IL21R: variants seen among roughly 807,000 people sequenced by gnomAD.
IL21R encodes the protein interleukin 21 receptor.
Under a neutral mutation model 41.3 loss-of-function variants are expected in IL21R, and 14 were observed. The ratio of observed to expected loss-of-function variants is 0.34; its 90% CI spans 0.22 to 0.53. IL21R has a LOEUF of 0.53. IL21R is among the 20% of genes least tolerant of loss of function. The pLI is 0.94. For missense variants in IL21R, 588 were observed against 681.6 expected, an observed-to-expected ratio of 0.86 and a Z score of 1.53; for synonymous variants, 286 against 287.6, an observed-to-expected ratio of 0.99 and a Z score of 0.05.
intron 1 of IL21R, among the ~76,000 whole-genome samples, chr16:27,406,590 C>A (rs2086752412): frequency 6.6e-6 from 1 of 151,990 alleles, no homozygotes; most frequent in African/African-American, 2.4e-5. Flanking sequence ...GAGGAGAAGG[C>A]CCTTCCTCTC....
At chr16:27,423,884 C>T (rs1357299833) in intron 1 of IL21R, among the ~76,000 whole-genome samples, 4 of 152,060 alleles carry the variant, frequency 2.6e-5, no homozygotes, top group South Asian at 4.1e-4. Flanking sequence ...GGCATGTGTT[C>T]GCTTTTATTA....
At chr16:27,448,461 A>T in intron 8 of IL21R, 73 bp from the exon 9 acceptor site, 1 of 1,456,836 alleles carries the variant, frequency 6.9e-7, no homozygotes, top group Non-Finnish European at 9.2e-7. Context: ...TCAAAAGAAT[A>T]AAAGTAAAAG....
intron 3 of IL21R, among the ~76,000 whole-genome samples, chr16:27,435,092 G>A (rs2087244934): frequency 6.6e-6 from 1 of 151,976 alleles, no homozygotes; most frequent in Admixed American, 6.6e-5. Context: ...ACAAAACCCT[G>A]TCTCTACAAA....
At chr16:27,416,167 C>T (rs2086891889) in intron 1 of IL21R, among the ~76,000 whole-genome samples, 2 of 152,196 alleles carry the variant, frequency 1.3e-5, no homozygotes, top group South Asian at 4.2e-4. Flanking sequence ...CTTTCTCACC[C>T]AGGCTGGAGT....
intron 1 of IL21R, among the ~76,000 whole-genome samples, chr16:27,416,732 A>C (rs1271304715): frequency 6.6e-6 from 1 of 152,040 alleles, no homozygotes; most frequent in Non-Finnish European, 1.5e-5. Flanking sequence ...TATTTTCATC[A>C]CTCCAAAAAC....
chr16:27,418,312 C>T (rs1019002014), intron 1 of IL21R, among the ~76,000 whole-genome samples: 1 of 151,844 alleles, frequency 6.6e-6, no homozygotes, highest in African/African-American at 2.4e-5. Context: ...TTGTGATCTG[C>T]CCGTCTCGCC....
chr16:27,442,416 T>C (rs1038718623), intron 4 of IL21R, among the ~76,000 whole-genome samples: 2 of 152,168 alleles, frequency 1.3e-5, no homozygotes, highest in African/African-American at 4.8e-5. Flanking sequence ...CGGGCTGGAG[T>C]GCAGTGGCGC....
rs1400514648 is a variant in IL21R at position 27,418,052 on chromosome 16, TTTATTTTATTTTATTTATG to T, written c.-16-11986_-16-11968del. On this transcript the variant is annotated intron_variant, in intron 1 of 8. Transcript: ENST00000337929. ...TTTATTTTATTTTATTTTATTTTAT[TTTATTTTATTTTATTTATG>T]TTATTTTATTTTATTTAAGACGGAG... 2.3e-4 allele frequency among the ~76,000 whole-genome samples: 28 copies of T among 123,572 alleles called. No homozygotes were observed. In the South Asian group the frequency reaches 2.3e-3, roughly 10 times the overall value. 81.1% of individuals were successfully genotyped at this position (123,572 alleles called of 152,430 possible).
At chr16:27,435,384 G>A (rs940764202) in intron 3 of IL21R, among the ~76,000 whole-genome samples, 5 of 152,158 alleles carry the variant, frequency 3.3e-5, no homozygotes, top group African/African-American at 4.8e-5. Flanking sequence ...ACGGTGGGGC[G>A]GAGGCTGGGG....
At chr16:27,443,439 T>C (rs1333738433) in intron 5 of IL21R, among the ~76,000 whole-genome samples, 2 of 152,080 alleles carry the variant, frequency 1.3e-5, no homozygotes, top group Non-Finnish European at 2.9e-5. Flanking sequence ...CCTGGAAGCT[T>C]CCCAATTGCT....
chr16:27,406,186 G>A (rs1018778818), intron 1 of IL21R, among the ~76,000 whole-genome samples: 1 of 152,268 alleles, frequency 6.6e-6, no homozygotes, highest in African/African-American at 2.4e-5. Flanking sequence ...TGGGAACTGA[G>A]GGGAGAGAGA....
chr16:27,416,805 C>T (rs1289654033), intron 1 of IL21R, among the ~76,000 whole-genome samples: 1 of 152,178 alleles, frequency 6.6e-6, no homozygotes, highest in East Asian at 1.9e-4. Context: ...TCCTGGCAAC[C>T]ACTAACCTAC....
chr16:27,416,295 C>T (rs2141266030), intron 1 of IL21R, among the ~76,000 whole-genome samples: 1 of 152,234 alleles, frequency 6.6e-6, no homozygotes, highest in East Asian at 1.9e-4. Flanking sequence ...CGCCACCACA[C>T]CTGGCTAATT....
In IL21R at chr16:27,450,683, C is replaced by T; in HGVS notation, c.*1400C>T. 1 of 220,514 alleles carries T rather than the reference C, an allele frequency of 4.5e-6. No individual in the cohort carries two copies. Among genetic ancestry groups the T allele is most frequent in the Non-Finnish European group, 9.1e-6 (1 of 110,240 alleles). 13.7% of individuals were successfully genotyped at this position (220,514 alleles called of 1,614,324 possible). Reference sequence around the variant, plus strand: ...CTCTGCAACCTCTGTCTCCCGGGTTCAAGCGATTTCCTGCGTCAGCCCCAG... The same window carrying T: ...CTCTGCAACCTCTGTCTCCCGGGTTTAAGCGATTTCCTGCGTCAGCCCCAG... On this transcript the variant is annotated 3_prime_UTR_variant, in exon 9 of 9. Transcript: ENST00000337929.
intron 1 of IL21R, among the ~76,000 whole-genome samples, chr16:27,429,183 C>T (rs2087126033): frequency 6.6e-6 from 1 of 152,088 alleles, no homozygotes; most frequent in African/African-American, 2.4e-5. Context: ...AAGATCGGGC[C>T]ACTGCACTCC....
At chr16:27,445,029 C>A in intron 6 of IL21R, 148 bp from the exon 7 acceptor site, 1 of 644,566 alleles carries the variant, frequency 1.6e-6, no homozygotes, top group Non-Finnish European at 2.8e-6. Context: ...AAGATTTGAA[C>A]CCAGATCCAT....
intron 1 of IL21R, among the ~76,000 whole-genome samples, chr16:27,414,739 T>A (rs2086872759): frequency 1.3e-5 from 2 of 152,156 alleles, no homozygotes; most frequent in African/African-American, 4.8e-5. Context: ...TTTGTGCTTA[T>A]CTTAGAGATT....
intron 1 of IL21R, among the ~76,000 whole-genome samples, chr16:27,425,897 T>G (rs1308009560): frequency 6.6e-6 from 1 of 152,150 alleles, no homozygotes; most frequent in Admixed American, 6.5e-5. Flanking sequence ...ACATCTCCAG[T>G]TTCTAGGACT....
chr16:27,406,406 G>A (rs955690529), intron 1 of IL21R, among the ~76,000 whole-genome samples: 1 of 152,068 alleles, frequency 6.6e-6, no homozygotes, highest in East Asian at 1.9e-4. Flanking sequence ...GGTGGGGAGT[G>A]GGGGGTGCGG....
Sources: allele counts gnomAD v4.1 joint callset (sites outside exome capture counted in the v4.1 genomes callset), GRCh38; gene constraint gnomAD v4.1.1; transcripts MANE v1.5; gene names NCBI Gene and HGNC (gene_info 2026-07-23, HGNC 2026-07-21).